The following COG5 variants were observed in gnomAD, a reference collection of about 807,000 sequenced individuals.
COG5 encodes the protein component of oligomeric golgi complex 5.
In COG5, 86 loss-of-function variants were observed where a neutral mutation model predicts 110.4. The ratio of observed to expected loss-of-function variants is 0.78; its 90% CI spans 0.65 to 0.93. The LOEUF (loss-of-function observed/expected upper bound fraction) is 0.93. Among genes scored for constraint, COG5 ranks in the 40% least tolerant of loss-of-function variants. The pLI is 0.00. For synonymous variants in COG5, 360 were observed against 334.6 expected, an observed-to-expected ratio of 1.08 and a Z score of -0.83; for missense variants, 1,077 against 987.0, an observed-to-expected ratio of 1.09 and a Z score of -1.22.
At chr7:107,435,646 C>T (rs927146810) in intron 6 of COG5, among the ~76,000 whole-genome samples, 6 of 151,564 alleles carry the variant, frequency 4.0e-5, no homozygotes, top group African/African-American at 1.2e-4. Flanking sequence ...GACACTTTGT[C>T]CCAGAAAAAA....
intron 11 of COG5, among the ~76,000 whole-genome samples, chr7:107,316,725 G>A (rs369371704): frequency 3.3e-5 from 5 of 151,044 alleles, no homozygotes; most frequent in Non-Finnish European, 5.9e-5. Flanking sequence ...CCAGCTACTC[G>A]GGAGGCTGAG....
chr7:107,543,210 ACATTACAG>A (rs1370687741), intron 5 of COG5, among the ~76,000 whole-genome samples: 1 of 152,194 alleles, frequency 6.6e-6, no homozygotes, highest in African/African-American at 2.4e-5. Flanking sequence ...ACCAGGTAAG[ACATTACAG>A]CACGTGAATA....
chr7:107,393,881 T>C (rs1318986949), intron 7 of COG5, among the ~76,000 whole-genome samples: 1 of 152,214 alleles, frequency 6.6e-6, no homozygotes, highest in Non-Finnish European at 1.5e-5. Context: ...AACAAATCAA[T>C]CTTCTATGAA....
chr7:107,529,839 G>A (rs1387839974), intron 5 of COG5, among the ~76,000 whole-genome samples: 2 of 152,152 alleles, frequency 1.3e-5, no homozygotes, highest in East Asian at 3.9e-4. Flanking sequence ...CTTCTGAGGA[G>A]GCAAGAATTG....
intron 2 of COG5, among the ~76,000 whole-genome samples, chr7:107,555,305 G>A (rs1010038180): frequency 6.6e-6 from 1 of 152,180 alleles, no homozygotes; most frequent in African/African-American, 2.4e-5. Context: ...GAATAATGCA[G>A]GAATCCTTAT....
At chr7:107,460,637 TAAC>T (rs1346086889) in intron 6 of COG5, among the ~76,000 whole-genome samples, 1 of 151,672 alleles carries the variant, frequency 6.6e-6, no homozygotes, top group African/African-American at 2.4e-5. Context: ...AAAAAGAACA[TAAC>T]AACATTGTTC....
At chr7:107,514,494 A>C (rs1799780652) in intron 6 of COG5, among the ~76,000 whole-genome samples, 1 of 152,218 alleles carries the variant, frequency 6.6e-6, no homozygotes, top group South Asian at 2.1e-4. Flanking sequence ...GTACAATAAT[A>C]ATGTGATTTT....
chr7:107,460,160 T>C (rs1795901007), intron 6 of COG5, among the ~76,000 whole-genome samples: 1 of 152,130 alleles, frequency 6.6e-6, no homozygotes, highest in African/African-American at 2.4e-5. Context: ...CCCAACACTT[T>C]TGGAGGCTGA....
chr7:107,538,564 A>G (rs1801754177), intron 5 of COG5, among the ~76,000 whole-genome samples: 1 of 152,160 alleles, frequency 6.6e-6, no homozygotes, highest in Non-Finnish European at 1.5e-5. Context: ...TTTACTCAAG[A>G]CAACGATGCC....
At chr7:107,223,779 G>T (rs777077542) in intron 19 of COG5, among the ~76,000 whole-genome samples, 1 of 152,116 alleles carries the variant, frequency 6.6e-6, no homozygotes, top group Non-Finnish European at 1.5e-5. Context: ...AGGCAGCCTG[G>T]GTCTAAAATG....
intron 17 of COG5, among the ~76,000 whole-genome samples, chr7:107,242,750 G>C (rs1410047447): frequency 6.6e-6 from 1 of 152,104 alleles, no homozygotes; most frequent in Non-Finnish European, 1.5e-5. Context: ...CCCTGGCTTG[G>C]GCCCACAGCA....
chr7:107,334,294 A>T (rs542447206), intron 10 of COG5, among the ~76,000 whole-genome samples: 1 of 152,254 alleles, frequency 6.6e-6, no homozygotes, highest in South Asian at 2.1e-4. Context: ...AAGATAAGCC[A>T]GGAACAAAAA....
At chr7:107,283,459 G>A in intron 13 of COG5, 112 bp downstream of exon 13, 1 of 867,138 alleles carries the variant, frequency 1.2e-6, no homozygotes, top group Non-Finnish European at 1.8e-6. Flanking sequence ...ATTTAATTGT[G>A]GGCCTAATTA....
chr7:107,295,066 CATAT>C (rs1186377118), intron 12 of COG5, among the ~76,000 whole-genome samples: 1,258 of 45,670 alleles, frequency 0.028, 20 homozygotes, highest in African/African-American at 0.05. Flanking sequence ...CACACACACA[CATAT>C]ATATATATAT....
chr7:107,461,312 T>C (rs1485490088), intron 6 of COG5, among the ~76,000 whole-genome samples: 2 of 152,000 alleles, frequency 1.3e-5, no homozygotes. Context: ...TAATTTATCA[T>C]GTTACTAGAT....
chr7:107,327,517 T>C (rs1031110491), intron 10 of COG5, among the ~76,000 whole-genome samples: 24 of 151,984 alleles, frequency 1.6e-4, no homozygotes, highest in Admixed American at 5.9e-4. Context: ...ACCTACAGAA[T>C]GGGGGAAAAC....
At chr7:107,439,008 A>C (rs1227782415) in intron 6 of COG5, among the ~76,000 whole-genome samples, 1 of 152,010 alleles carries the variant, frequency 6.6e-6, no homozygotes, top group African/African-American at 2.4e-5. Flanking sequence ...TTTGAATCTC[A>C]TATCATCAAA....
chr7:107,353,286 G>A (rs1180278610), intron 10 of COG5, among the ~76,000 whole-genome samples: 2 of 151,798 alleles, frequency 1.3e-5, no homozygotes, highest in African/African-American at 2.4e-5. Flanking sequence ...TTAGCCGGGC[G>A]AGGTGGCGGG....
At chr7:107,517,670 A>G (rs1800023240) in intron 6 of COG5, among the ~76,000 whole-genome samples, 1 of 151,732 alleles carries the variant, frequency 6.6e-6, no homozygotes, top group Admixed American at 6.6e-5. Context: ...TCTACAAGCC[A>G]GAAGAGAGTG....
Sources: allele counts gnomAD v4.1 joint callset (sites outside exome capture counted in the v4.1 genomes callset), GRCh38; gene constraint gnomAD v4.1.1; transcripts MANE v1.5; gene names NCBI Gene and HGNC (gene_info 2026-07-23, HGNC 2026-07-21).